Variants in CTNNA2 observed in about 807,000 individuals in gnomAD.
The protein encoded by CTNNA2 is catenin alpha-2.
In CTNNA2, 42 loss-of-function variants were observed where a neutral mutation model predicts 101.0. The ratio of observed to expected loss-of-function variants is 0.42; its 90% CI spans 0.32 to 0.54. The LOEUF (loss-of-function observed/expected upper bound fraction) is 0.54. Ranked by LOEUF, CTNNA2 falls within the 20% of genes least tolerant of loss-of-function variation. The pLI is 0.14. For synonymous variants in CTNNA2, 450 were observed against 456.4 expected, an observed-to-expected ratio of 0.99 and a Z score of 0.18; for missense variants, 871 against 1,223.1, an observed-to-expected ratio of 0.71 and a Z score of 4.29.
At chr2:79,688,419 C>T (rs963004275) in intron 2 of CTNNA2, among the ~76,000 whole-genome samples, 1 of 151,576 alleles carries the variant, frequency 6.6e-6, no homozygotes. Flanking sequence ...ATATTAAAAA[C>T]AACATAATTA....
chr2:79,587,402 G>A (rs1400850273), intron 1 of CTNNA2, among the ~76,000 whole-genome samples: 2 of 151,878 alleles, frequency 1.3e-5, no homozygotes, highest in Non-Finnish European at 2.9e-5. Context: ...GCAGATTCAT[G>A]CCCAGCCCTC....
In CTNNA2 at chr2:79,687,203, A is replaced by G. The variant is rs147028500; in HGVS notation, c.102+35545A>G. On this transcript the variant is annotated intron_variant, in intron 2 of 18. Coordinates refer to ENST00000402739, the MANE Select transcript of CTNNA2 (RefSeq NM_001282597.3). ...AATAAAATGTAAAGACCCCTTGGTG[A>G]GAGAATATGGTGACCCTGGCTCACT... Among the ~76,000 whole-genome samples, 250 of 152,224 alleles carry G rather than the reference A, an allele frequency of 1.6e-3. 3 individuals carry two copies. Among genetic ancestry groups the G allele is most frequent in the African/African-American group, 5.6e-3 (234 of 41,532 alleles).
At chr2:79,868,986 C>G (rs757388508) in intron 4 of CTNNA2, among the ~76,000 whole-genome samples, 5 of 152,158 alleles carry the variant, frequency 3.3e-5, no homozygotes, top group Non-Finnish European at 7.3e-5. Context: ...GATGGTATAA[C>G]TTAAAGGTTT....
chr2:79,208,496 A>G (rs1208679802), intron 2 of CTNNA2, among the ~76,000 whole-genome samples: 1 of 152,192 alleles, frequency 6.6e-6, no homozygotes, highest in Non-Finnish European at 1.5e-5. Flanking sequence ...AAAGAATATA[A>G]GAGATATGCT....
intron 14 of CTNNA2, among the ~76,000 whole-genome samples, chr2:80,583,651 T>C (rs1695729189): frequency 6.6e-6 from 1 of 152,194 alleles, no homozygotes; most frequent in African/African-American, 2.4e-5. Context: ...GTACAACTCA[T>C]CTTGCTTTAT....
intron 1 of CTNNA2, among the ~76,000 whole-genome samples, chr2:79,541,909 G>A (rs974069557): frequency 6.6e-6 from 1 of 152,122 alleles, no homozygotes; most frequent in East Asian, 1.9e-4. Context: ...ACAGGCGTGA[G>A]CCACCGTGCC....
At position 79,881,258 on chromosome 2, in the gene CTNNA2, A is replaced by G. The variant is rs370875856; in HGVS notation, c.852+6916A>G. Among the ~76,000 whole-genome samples the G allele has an allele frequency of 3.3e-5, 5 of 152,344 alleles. No individual in the cohort carries two copies. In the South Asian group the frequency reaches 1.0e-3, roughly 32 times the overall value. On this transcript the variant is annotated intron_variant, in intron 6 of 18. Coordinates refer to ENST00000402739, the MANE Select transcript of CTNNA2 (RefSeq NM_001282597.3). The stretch of plus-strand genomic sequence containing the variant: ...TGTGGTCAATTTTATAATAAGTGCC[A>G]TGTGGCACTGAGAAGAATGTATATT...
intron 7 of CTNNA2, among the ~76,000 whole-genome samples, chr2:80,329,571 G>A (rs1012506402): frequency 4.6e-5 from 7 of 152,124 alleles, no homozygotes; most frequent in African/African-American, 1.4e-4. Context: ...AGACTGAAAC[G>A]GAAGGGCTGT....
chr2:80,522,476 T>A (rs774503654), intron 9 of CTNNA2, among the ~76,000 whole-genome samples: 1 of 152,214 alleles, frequency 6.6e-6, no homozygotes, highest in Non-Finnish European at 1.5e-5. Context: ...GGGTTAGGAA[T>A]AAAGCGGTTG....
At chr2:79,527,474 C>CAAAAAAAAAAAAAAA (rs58822666) in intron 1 of CTNNA2, among the ~76,000 whole-genome samples, 3 of 85,186 alleles carry the variant, frequency 3.5e-5, no homozygotes, top group African/African-American at 7.7e-5. Flanking sequence ...ACTAAAAATA[C>CAAAAAAAAAAAAAAA]AAAAAAAAAA....
intron 7 of CTNNA2, among the ~76,000 whole-genome samples, chr2:79,981,376 A>G (rs910870631): frequency 6.6e-6 from 1 of 152,166 alleles, no homozygotes; most frequent in African/African-American, 2.4e-5. Context: ...TACAGATATG[A>G]AAAGAGAAGT....
intron 1 of CTNNA2, among the ~76,000 whole-genome samples, chr2:79,599,097 G>A (rs1414235639): frequency 1.3e-5 from 2 of 151,958 alleles, no homozygotes; most frequent in African/African-American, 4.8e-5. Context: ...TTTTGTGAAA[G>A]GTCAGTTCAC....
At chr2:80,055,849 T>C (rs1428177264) in intron 7 of CTNNA2, among the ~76,000 whole-genome samples, 1 of 152,170 alleles carries the variant, frequency 6.6e-6, no homozygotes, top group Non-Finnish European at 1.5e-5. Flanking sequence ...GAGAGCTAAG[T>C]GCGTCCCAAA....
At chr2:80,618,971 C>T (rs1421783579) in intron 17 of CTNNA2, 114 bp from the exon 18 acceptor site, 2 of 576,540 alleles carry the variant, frequency 3.5e-6, no homozygotes, top group Non-Finnish European at 5.6e-6. Flanking sequence ...CCTCTTTTTT[C>T]CCAATTACCC....
chr2:79,814,232 AAAATAT>A (rs1349760212), intron 3 of CTNNA2, among the ~76,000 whole-genome samples: 2 of 152,014 alleles, frequency 1.3e-5, no homozygotes, highest in African/African-American at 4.8e-5. Flanking sequence ...GAATTTTTCA[AAAATAT>A]TTTTTACTTT....
intron 7 of CTNNA2, among the ~76,000 whole-genome samples, chr2:80,342,514 C>T (rs137954018): frequency 2.1e-4 from 32 of 152,328 alleles, no homozygotes; most frequent in African/African-American, 7.7e-4. Flanking sequence ...CTGAAATTAA[C>T]ATACAAATTA....
At chr2:80,547,347 C>T (rs990716355) in intron 11 of CTNNA2, among the ~76,000 whole-genome samples, 1 of 152,110 alleles carries the variant, frequency 6.6e-6, no homozygotes, top group Non-Finnish European at 1.5e-5. Context: ...AAAATAGGTA[C>T]TACTAATTCT....
chr2:79,494,004 C>T (rs1671229773), intron 4 of CTNNA2: 1 of 151,704 alleles, frequency 6.6e-6, no homozygotes, highest in Non-Finnish European at 1.5e-5. Flanking sequence ...ATAGAGAAAA[C>T]AATTGTATTT....
chr2:79,856,242 C>G (rs114357168), intron 3 of CTNNA2, among the ~76,000 whole-genome samples: 1 of 152,324 alleles, frequency 6.6e-6, no homozygotes, highest in Non-Finnish European at 1.5e-5. Context: ...TCCTTACACA[C>G]CCACATTCCC....
Sources: allele counts gnomAD v4.1 joint callset (sites outside exome capture counted in the v4.1 genomes callset), GRCh38; gene constraint gnomAD v4.1.1; transcripts MANE v1.5; gene names NCBI Gene and HGNC (gene_info 2026-07-23, HGNC 2026-07-21).